PAG1: variants seen among roughly 807,000 people sequenced by gnomAD.
PAG1 encodes the protein phosphoprotein associated with glycosphingolipid-enriched microdomains 1.
PAG1 carries 23 observed loss-of-function variants against 31.7 expected under a neutral mutation model. That is an observed-to-expected ratio of 0.73 (90% CI 0.52 to 1.03). The LOEUF (loss-of-function observed/expected upper bound fraction) is 1.03. Among genes scored for constraint, PAG1 ranks in the 50% least tolerant of loss-of-function variants. The pLI is 0.00. For missense variants in PAG1, 473 were observed against 540.7 expected, an observed-to-expected ratio of 0.87 and a Z score of 1.24; for synonymous variants, 214 against 210.3, an observed-to-expected ratio of 1.02 and a Z score of -0.15.
intron 1 of PAG1, among the ~76,000 whole-genome samples, chr8:81,109,792 C>T (rs1434799605): frequency 6.6e-6 from 1 of 152,194 alleles, no homozygotes; most frequent in East Asian, 1.9e-4. Flanking sequence ...CCCCATTGTA[C>T]AGATGAAGAC....
intron 3 of PAG1, among the ~76,000 whole-genome samples, chr8:80,995,240 A>G (rs1807647664): frequency 1.3e-5 from 2 of 152,246 alleles, no homozygotes; most frequent in South Asian, 4.1e-4. Context: ...CTTTGAATCA[A>G]CATGAACGTC....
chr8:81,081,611 C>T lies in PAG1; in HGVS notation c.-233-11441G>A, dbSNP rs917913698. Among the ~76,000 whole-genome samples the T allele has an allele frequency of 9.9e-5, 15 of 152,096 alleles. 1 individual carries two copies. The highest frequency in any genetic ancestry group is 1.4e-4 in the African/African-American group (6 of 41,412). On this transcript the variant is annotated intron_variant, in intron 1 of 8. Transcript: ENST00000220597. Reference sequence around the variant, plus strand: ...TACCACATCCTTAACTCCTAGCAATCGTGAATCTCATCTCTATTTGTACGA... The same window carrying T: ...TACCACATCCTTAACTCCTAGCAATTGTGAATCTCATCTCTATTTGTACGA...
chr8:81,059,823 C>T (rs1808889179), intron 2 of PAG1, among the ~76,000 whole-genome samples: 1 of 152,068 alleles, frequency 6.6e-6, no homozygotes, highest in Admixed American at 6.6e-5. Flanking sequence ...CGAGACCAGC[C>T]TGGCCAACAT....
chr8:81,099,570 G>A (rs955484422), intron 1 of PAG1, among the ~76,000 whole-genome samples: 29 of 152,152 alleles, frequency 1.9e-4, no homozygotes, highest in Admixed American at 1.9e-3. Context: ...TCTTGAAAAA[G>A]AAGATAGAAA....
intron 1 of PAG1, among the ~76,000 whole-genome samples, chr8:81,090,736 G>A (rs1809430814): frequency 6.6e-6 from 1 of 152,210 alleles, no homozygotes; most frequent in South Asian, 2.1e-4. Flanking sequence ...AAAGCCTCGG[G>A]CCACACGTGA....
At chr8:81,073,353 T>C (rs534394476) in intron 1 of PAG1, among the ~76,000 whole-genome samples, 2 of 152,306 alleles carry the variant, frequency 1.3e-5, no homozygotes, top group East Asian at 3.9e-4. Flanking sequence ...CCAACCTCCC[T>C]GAGAGCATCA....
At chr8:81,043,181 G>T (rs541808286) in intron 2 of PAG1, among the ~76,000 whole-genome samples, 1 of 151,362 alleles carries the variant, frequency 6.6e-6, no homozygotes, top group East Asian at 1.9e-4. Context: ...CACCACATTC[G>T]CCCACTGGTG....
intron 1 of PAG1, among the ~76,000 whole-genome samples, chr8:81,074,811 T>A (rs941202383): frequency 6.6e-6 from 1 of 152,056 alleles, no homozygotes; most frequent in Non-Finnish European, 1.5e-5. Flanking sequence ...TAAAAAAGGG[T>A]GAGTGAATAG....
intron 1 of PAG1, among the ~76,000 whole-genome samples, chr8:81,094,489 G>A (rs547700983): frequency 6.6e-6 from 1 of 152,252 alleles, no homozygotes; most frequent in South Asian, 2.1e-4. Context: ...ACAATTTTCT[G>A]TGAGGCCTAA....
chr8:81,021,082 G>C (rs1208974780), intron 3 of PAG1, among the ~76,000 whole-genome samples: 3 of 152,280 alleles, frequency 2.0e-5, no homozygotes, highest in Non-Finnish European at 2.9e-5. Flanking sequence ...GATAACAGCA[G>C]AAGTGTGTTC....
chr8:80,989,969 G>A (rs909179699), intron 5 of PAG1, among the ~76,000 whole-genome samples: 1 of 152,142 alleles, frequency 6.6e-6, no homozygotes, highest in Non-Finnish European at 1.5e-5. Flanking sequence ...GGAGAATGGT[G>A]GAGTGACGAA....
intron 2 of PAG1, among the ~76,000 whole-genome samples, chr8:81,051,896 T>C (rs1586189382): frequency 6.6e-6 from 1 of 152,186 alleles, no homozygotes; most frequent in Admixed American, 6.5e-5. Flanking sequence ...TTTGGGAGGC[T>C]GAGGTGGGCG....
At chr8:81,049,921 C>A (rs1586188175) in intron 2 of PAG1, among the ~76,000 whole-genome samples, 2 of 152,078 alleles carry the variant, frequency 1.3e-5, no homozygotes, top group African/African-American at 4.8e-5. Context: ...TTACTGAGTA[C>A]CTACCATACA....
intron 7 of PAG1, among the ~76,000 whole-genome samples, chr8:80,982,002 A>G (rs993917456): frequency 6.6e-6 from 1 of 151,606 alleles, no homozygotes; most frequent in African/African-American, 2.4e-5. Context: ...AGTAGCTGGG[A>G]CTACAGGTGC....
chr8:81,069,915 A>G (rs954962982), intron 2 of PAG1, among the ~76,000 whole-genome samples, 197 bp downstream of exon 2: 1 of 152,250 alleles, frequency 6.6e-6, no homozygotes, highest in African/African-American at 2.4e-5. Context: ...TTTCTATCGC[A>G]GAAGACCTAA....
intron 2 of PAG1, among the ~76,000 whole-genome samples, chr8:81,054,783 T>C (rs1314557007): frequency 6.6e-6 from 1 of 152,178 alleles, no homozygotes; most frequent in Admixed American, 6.5e-5. Flanking sequence ...CCGGAAAACA[T>C]GTCTAAGTGA....
At chr8:81,074,351 G>A (rs1005881630) in intron 1 of PAG1, among the ~76,000 whole-genome samples, 8 of 152,160 alleles carry the variant, frequency 5.3e-5, no homozygotes, top group Non-Finnish European at 1.2e-4. Flanking sequence ...CAAAGAACCT[G>A]AGGGTGGATG....
chr8:81,027,904 C>CAAAAAAAAA (rs35780204), intron 3 of PAG1, among the ~76,000 whole-genome samples: 2 of 52,834 alleles, frequency 3.8e-5, no homozygotes, highest in Middle Eastern at 8.2e-3. Flanking sequence ...GACTCCGTCT[C>CAAAAAAAAA]AAAAAAAAAA....
At chr8:81,065,001 G>C (rs1271674052) in intron 2 of PAG1, among the ~76,000 whole-genome samples, 4 of 152,206 alleles carry the variant, frequency 2.6e-5, no homozygotes, top group African/African-American at 7.2e-5. Context: ...GATCCGAAGA[G>C]ACAGCACCTT....
Sources: gnomAD v4.1 joint callset for allele counts (sites outside exome capture counted in the v4.1 genomes callset) on GRCh38, gnomAD v4.1.1 for gene constraint, MANE v1.5 for transcripts, NCBI Gene and HGNC (gene_info 2026-07-23, HGNC 2026-07-21) for gene names.